RBMX2: variants seen among roughly 807,000 people sequenced by gnomAD.
RBMX2 encodes RNA-binding motif protein, X-linked 2.
For synonymous variants in RBMX2, 77 were observed against 94.3 expected (o/e 0.82, Z 1.07); for missense variants, 191 against 256.0 (o/e 0.75, Z 1.73).
At chrX:130,407,768 C>T (rs1322474254) in intron 3 of RBMX2, among the ~76,000 whole-genome samples, 2 of 108,398 alleles carry the variant, frequency 1.8e-5, no homozygotes, top group Non-Finnish European at 1.9e-5. Context: ...AGTGATCCGC[C>T]CCACGCACCC....
At chrX:130,404,105 A>G (rs2034471301) in intron 3 of RBMX2, 1 of 362,463 alleles carries the variant, frequency 2.8e-6, no homozygotes, top group Admixed American at 4.3e-5. Flanking sequence ...TTTTTCACTG[A>G]GGCTTGTTCA....
intron 3 of RBMX2, among the ~76,000 whole-genome samples, chrX:130,406,682 A>AAAAAT (rs2034487454): frequency 9.1e-6 from 1 of 109,585 alleles, no homozygotes; most frequent in Non-Finnish European, 1.9e-5. Context: ...CCAAAAAAAA[A>AAAAAT]AAAAAAAGAA....
chrX:130,405,876 A>G (rs1327183068), intron 3 of RBMX2, among the ~76,000 whole-genome samples: 1 of 26,384 alleles, frequency 3.8e-5, no homozygotes, highest in East Asian at 1.4e-3. Flanking sequence ...TTTTTTTGAG[A>G]CGGAGTCTCG....
At chrX:130,411,830 A>G (rs1346460316) in intron 5 of RBMX2, among the ~76,000 whole-genome samples, 1 of 111,475 alleles carries the variant, frequency 9.0e-6, no homozygotes, top group Non-Finnish European at 1.9e-5. Context: ...GACATATCAA[A>G]GGTGACAGAC....
At chrX:130,411,281 G>A in intron 4 of RBMX2, 67 bp from the exon 5 acceptor site, 1 of 995,272 alleles carries the variant, frequency 1.0e-6, no homozygotes, top group Non-Finnish European at 1.4e-6. Context: ...TCTGTAGCTT[G>A]TGTTCAAATA....
chrX:130,402,805 A>G (rs1176680544), intron 2 of RBMX2, among the ~76,000 whole-genome samples: 1 of 111,545 alleles, frequency 9.0e-6, no homozygotes, highest in Non-Finnish European at 1.9e-5. Flanking sequence ...TCCCTTCCAG[A>G]ATTCACTTTG....
rs1332860402 is a variant in RBMX2, at chrX:130,413,364, C to T, written c.*516C>T. ...CGATATGCCTCTTTCCACATTTTTT[C>T]CTTGCAATGTATTTATTATTTATTT... On this transcript the variant is annotated 3_prime_UTR_variant, in exon 6 of 6. Transcript: ENST00000305536. 5.3e-5 allele frequency: 6 copies of T among 112,526 alleles called. No homozygotes were observed. In the Admixed American group the frequency reaches 5.6e-4, roughly 11 times the overall value. 9.3% of individuals were successfully genotyped at this position (112,526 alleles called of 1,213,427 possible).
intron 1 of RBMX2, 30 bp from the exon 2 acceptor site, chrX:130,402,225 A>ACCCACCCC: frequency 1.4e-4 from 139 of 984,004 alleles, no homozygotes; most frequent in Non-Finnish European, 1.9e-4. Context: ...TTTTCTGCCT[A>ACCCACCCC]CCCTCCCCAC....
At chrX:130,405,542 A>T (rs187753870) in intron 3 of RBMX2, among the ~76,000 whole-genome samples, 1,199 of 110,448 alleles carry the variant, frequency 0.011, 6 homozygotes, top group Non-Finnish European at 0.016. Context: ...TATCATTTTT[A>T]AAAAAATGTT....
chrX:130,409,409 T>C (rs1313830874), intron 4 of RBMX2, 23 bp downstream of exon 4: 1 of 1,189,427 alleles, frequency 8.4e-7, no homozygotes, highest in African/African-American at 1.8e-5. Context: ...ATTAAGCAGG[T>C]TGGTTGGACT....
rs1423138387 is a variant in RBMX2 at position 130,413,127 on chromosome X, A to G, written c.*279A>G. On this transcript the variant is annotated 3_prime_UTR_variant, in exon 6 of 6. Coordinates refer to ENST00000305536, the MANE Select transcript of RBMX2 (RefSeq NM_016024.4). ...GACCCCAGTTGAAGATGGAATTTTC[A>G]GGAAAGGGAAAATACTAGATAATTC... 3 of 207,870 alleles carry G rather than the reference A, an allele frequency of 1.4e-5. No homozygotes were observed. Among genetic ancestry groups the G allele is most frequent in the African/African-American group, 9.0e-5 (3 of 33,513 alleles). The allele number at this position is 207,870 out of a possible 1,213,427, so 17.1% of individuals were successfully genotyped here.
intron 3 of RBMX2, among the ~76,000 whole-genome samples, chrX:130,407,004 A>G (rs1405589621): frequency 9.0e-6 from 1 of 111,315 alleles, no homozygotes. Context: ...CAGATTAGGG[A>G]TGCTCAGCCT....
rs1569460444 is a variant in RBMX2, at chrX:130,411,384, A to T, written c.340A>T (p.Asn114Tyr). 8.3e-7 allele frequency: 1 copy of T among 1,202,734 alleles called. No homozygotes were observed. The highest frequency in any genetic ancestry group is 1.1e-6 in the Non-Finnish European group (1 of 891,642). ...AACTATCCGAGTGGATCATGTGTCT[A>T]ACTATCGGGCTCCTAAGGACTCAGA... ...GRTIRVDHVS[N>Y]YRAPKDSEEI... Residue 114 changes from asparagine to tyrosine, a missense_variant, in exon 5 of 6, where the codon AAC becomes TAC. Coordinates refer to ENST00000305536, the MANE Select transcript of RBMX2 (RefSeq NM_016024.4).
In RBMX2 at chrX:130,412,955, CT is replaced by C; in HGVS notation, c.*111del. 1.2e-6 allele frequency: 1 copy of C among 815,952 alleles called. No individual in the cohort carries two copies. Among genetic ancestry groups the C allele is most frequent in the South Asian group, 2.7e-5 (1 of 36,377 alleles). The allele number at this position is 815,952 out of a possible 1,213,427, so 67.2% of individuals were successfully genotyped here. On this transcript the variant is annotated 3_prime_UTR_variant, in exon 6 of 6. Coordinates refer to ENST00000305536, the MANE Select transcript of RBMX2 (RefSeq NM_016024.4). The stretch of plus-strand genomic sequence containing the variant: ...TATCTAAAACTTCTGGGGCTGGATT[CT>C]TTTAATCCCTTGACTATTTAGAGTC...
chrX:130,402,119 C>T (rs2034457727), intron 1 of RBMX2, 82 bp downstream of exon 1: 2 of 1,167,378 alleles, frequency 1.7e-6, no homozygotes, highest in African/African-American at 1.8e-5. Context: ...AGAGCGTCTG[C>T]GGGGCCGAGG....
chrX:130,402,711 G>T (rs977938358), intron 2 of RBMX2, among the ~76,000 whole-genome samples: 4 of 111,499 alleles, frequency 3.6e-5, no homozygotes, highest in African/African-American at 1.3e-4. Flanking sequence ...GCTAGTAAGC[G>T]CAACAGGCAG....
Position 130,412,790 on chromosome X carries a change from G to A in RBMX2, c.911G>A (p.Arg304Lys), listed in dbSNP as rs754349583. 3.3e-6 allele frequency: 4 copies of A among 1,209,143 alleles called. No homozygotes were observed. The Admixed American group carries it at 8.8e-5, about 26-fold the overall frequency. The change falls in exon 6 of 6, where the codon AGG becomes AAG. Residue 304 changes from arginine (R) to lysine (K), a missense_variant. Physicochemically the swap from Arg to Lys is conservative, Grantham distance 26. Transcript: ENST00000305536. ...CGAGATAAATCCCATAGGCATAAAA[G>A]GGCCCGACGCTCCCGGGAGCGGGAG... ...RSRDKSHRHK[R>K]ARRSRERESS...
intron 5 of RBMX2, among the ~76,000 whole-genome samples, chrX:130,412,084 G>C (rs368531639): frequency 1.8e-5 from 2 of 108,669 alleles, no homozygotes; most frequent in Admixed American, 2.0e-4. Flanking sequence ...CACCACACCC[G>C]GCTAATTTTT....
intron 3 of RBMX2, chrX:130,404,368 A>G (rs1371088547): frequency 1.7e-5 from 2 of 115,402 alleles, no homozygotes; most frequent in Admixed American, 8.9e-5. Flanking sequence ...AAGAATGAAT[A>G]GGAGACCTGT....
Sources: gnomAD v4.1 joint callset for allele counts (sites outside exome capture counted in the v4.1 genomes callset) on GRCh38, gnomAD v4.1.1 for gene constraint, MANE v1.5 for transcripts, NCBI Gene and HGNC (gene_info 2026-07-23, HGNC 2026-07-21) for gene names.